Variants in WTIP observed in about 807,000 individuals in gnomAD.
The protein encoded by WTIP is WT1 interacting protein.
In WTIP, 23 loss-of-function variants were observed where a neutral mutation model predicts 41.7. The observed-to-expected ratio is 0.55, with a 90% CI of 0.40 to 0.78. WTIP has a LOEUF of 0.78. Among genes scored for constraint, WTIP ranks in the 30% least tolerant of loss-of-function variants. The pLI is 0.00. For synonymous variants in WTIP, 314 were observed against 269.9 expected (o/e 1.16, Z -1.60); for missense variants, 619 against 610.5 (o/e 1.01, Z -0.15).
rs1355601663 is a variant in WTIP, at chr19:34,493,368, T to C, written c.900+43T>C. 1.2e-6 allele frequency: 2 copies of C among 1,601,076 alleles called. No homozygotes were observed. The highest frequency in any genetic ancestry group is 1.7e-6 in the Non-Finnish European group (2 of 1,174,216). ...CCTCCTGGAGCCCCTCTGACGTGGG[T>C]GGAGTCTGAGGACTCTACCGTCTCC... On this transcript the variant is annotated intron_variant, in intron 4 of 7. Transcript: ENST00000590071. The surrounding 1 kb of genome is among the most constrained non-coding windows in gnomAD (Gnocchi z 4.1).
At chr19:34,494,773 G>A (rs968004990) in intron 6 of WTIP, 136 bp downstream of exon 6, 1 of 879,950 alleles carries the variant, frequency 1.1e-6, no homozygotes, top group Non-Finnish European at 1.7e-6. Flanking sequence ...TTTCAGGGCT[G>A]AGGGATGTGT....
chr19:34,495,764 A>G lies in WTIP; in HGVS notation c.1145A>G (p.His382Arg). ...AGAGACTACCACGTGGCATGTTACC[A>G]CTGTGAGGTGAGCCTGGGCCCACAG... ...MDRDYHVACY[H>R]CEDCGLQLSG... is the part of the protein sequence containing the mutation. The change falls in exon 7 of 8, where the codon CAC becomes CGC. Residue 382 changes from histidine (H) to arginine (R), a missense_variant. Physicochemically the swap from His to Arg is conservative, Grantham distance 29. Coordinates refer to ENST00000590071, the MANE Select transcript of WTIP (RefSeq NM_001080436.2). 3 of 1,613,648 alleles carry G rather than the reference A, an allele frequency of 1.9e-6. No homozygotes were observed. The highest frequency in any genetic ancestry group is 1.1e-5 in the South Asian group (1 of 91,060).
chr19:34,487,569 G>C (rs1008797411), intron 1 of WTIP, among the ~76,000 whole-genome samples: 3 of 152,174 alleles, frequency 2.0e-5, no homozygotes, highest in African/African-American at 7.2e-5. Context: ...GAAGAGGTGG[G>C]CCACCCGATA....
At position 34,494,333 on chromosome 19, in the gene WTIP, C is replaced by T. The variant is rs542219893; in HGVS notation, c.1032-253C>T. Among the ~76,000 whole-genome samples, 38 of 151,286 alleles carry T rather than the reference C, an allele frequency of 2.5e-4. No homozygotes were observed. The East Asian group carries it at 3.7e-3, about 15-fold the overall frequency. ...CTTTGGGAGGTCGAGGTGGGTGGATCGCTTGAACCCAGGAATTTGAGACCA... is the reference window on the plus strand; with the variant it reads ...CTTTGGGAGGTCGAGGTGGGTGGATTGCTTGAACCCAGGAATTTGAGACCA... On this transcript the variant is annotated intron_variant, in intron 5 of 7. Coordinates refer to ENST00000590071, the MANE Select transcript of WTIP (RefSeq NM_001080436.2).
At chr19:34,494,756 G>A (rs137993398) in intron 6 of WTIP, 119 bp downstream of exon 6, 10 of 1,021,788 alleles carry the variant, frequency 9.8e-6, no homozygotes, top group South Asian at 3.1e-5. Context: ...GTGCTTCTCC[G>A]CAGATCTTTC....
chr19:34,487,087 C>A (rs776936038), intron 1 of WTIP, among the ~76,000 whole-genome samples: 1 of 150,238 alleles, frequency 6.7e-6, no homozygotes, highest in Non-Finnish European at 1.5e-5. Context: ...AGCCACCAAG[C>A]CCAGTCCCTG....
intron 6 of WTIP, 54 bp downstream of exon 6, chr19:34,494,691 C>T: frequency 1.3e-6 from 2 of 1,579,188 alleles, no homozygotes; most frequent in South Asian, 1.1e-5. Flanking sequence ...CGGCTGCTGT[C>T]CTGTCTAGCC....
Position 34,490,362 on chromosome 19 carries a change from C to T in WTIP, c.668-14C>T. 1 of 1,613,370 alleles carries T rather than the reference C, an allele frequency of 6.2e-7. No homozygotes were observed. The highest frequency in any genetic ancestry group is 8.5e-7 in the Non-Finnish European group (1 of 1,179,328). On this transcript the variant is annotated splice_polypyrimidine_tract_variant and intron_variant, in intron 1 of 7. Transcript: ENST00000590071. The stretch of plus-strand genomic sequence containing the variant: ...GGCGCTAACCCCTGCTCTCTCCTGC[C>T]TCTCCTCTCCTAGGCATTTGCATCA...
At position 34,482,404 on chromosome 19, in the gene WTIP, G is replaced by T; in HGVS notation, c.430G>T (p.Val144Phe). The change falls in exon 1 of 8, where the codon GTT (valine) becomes TTT (phenylalanine). Residue 144 changes from valine to phenylalanine, a missense_variant. By Grantham distance (50) the Val-to-Phe change is conservative. Around this residue, in one of 3 missense-constraint regions of WTIP, gnomAD observed 363 missense variants for 309.0 expected, o/e 1.17. Coordinates refer to ENST00000590071, the MANE Select transcript of WTIP (RefSeq NM_001080436.2). ...PPSVGSARSSVSSLGSRGSAG... is the reference protein window; with the variant it reads ...PPSVGSARSSFSSLGSRGSAG... The stretch of plus-strand genomic sequence containing the variant: ...TTCGGTGGGCAGCGCCCGCTCCAGC[G>T]TTTCCAGCCTCGGCTCCCGGGGCTC... The T allele has an allele frequency of 7.3e-7, 1 of 1,362,756 alleles. No individual in the cohort carries two copies. The highest frequency in any genetic ancestry group is 9.5e-7 in the Non-Finnish European group (1 of 1,055,000). 84.4% of individuals were successfully genotyped at this position (1,362,756 alleles called of 1,614,324 possible). A position where few individuals can be genotyped will look rare whatever the true frequency, so the allele number is the denominator to read the frequency against.
Position 34,493,034 on chromosome 19 carries a change from C to G in WTIP, c.770-3C>G. 6.2e-7 allele frequency: 1 copy of G among 1,613,878 alleles called. No individual in the cohort carries two copies. The highest frequency in any genetic ancestry group is 8.5e-7 in the Non-Finnish European group (1 of 1,179,852). ...GGACCCCTCTCAACCCTCACCCTTG[C>G]AGGGAGACGACTCCGTGGGAAGGCG... On this transcript the variant is annotated splice_polypyrimidine_tract_variant and splice_region_variant and intron_variant, in intron 2 of 7. Transcript: ENST00000590071. The surrounding 1 kb of genome is among the most constrained non-coding windows in gnomAD (Gnocchi z 4.1).
Position 34,500,340 on chromosome 19 carries a change from G to C in WTIP, c.*71G>C. 6.8e-7 allele frequency: 1 copy of C among 1,460,508 alleles called. No homozygotes were observed. 90.5% of individuals were successfully genotyped at this position (1,460,508 alleles called of 1,614,324 possible). Reference sequence around the variant, plus strand: ...GGGAGGGCCCGCGTGGGTGGCCCTGGTCAGCGTCAGGGGAGCTCCCTCCAA... The same window carrying C: ...GGGAGGGCCCGCGTGGGTGGCCCTGCTCAGCGTCAGGGGAGCTCCCTCCAA... On this transcript the variant is annotated 3_prime_UTR_variant, in exon 8 of 8. Coordinates refer to ENST00000590071, the MANE Select transcript of WTIP (RefSeq NM_001080436.2).
intron 7 of WTIP, among the ~76,000 whole-genome samples, chr19:34,497,730 A>G (rs2075862398): frequency 6.6e-6 from 1 of 152,180 alleles, no homozygotes; most frequent in Admixed American, 6.5e-5. Flanking sequence ...TCCTGGGTGC[A>G]GGCGAGTGGC....
intron 2 of WTIP, 106 bp downstream of exon 2, chr19:34,490,583 G>C (rs1434349092): frequency 8.2e-7 from 1 of 1,214,676 alleles, no homozygotes; most frequent in Non-Finnish European, 1.2e-6. Context: ...GGACCACCTG[G>C]CTCTGGCCCA....
In WTIP at chr19:34,482,404, G is replaced by C. The variant is rs779848023; in HGVS notation, c.430G>C (p.Val144Leu). ...PPSVGSARSS[V>L]SSLGSRGSAG... ...TTCGGTGGGCAGCGCCCGCTCCAGCGTTTCCAGCCTCGGCTCCCGGGGCTC... is the reference window on the plus strand; with the variant it reads ...TTCGGTGGGCAGCGCCCGCTCCAGCCTTTCCAGCCTCGGCTCCCGGGGCTC... The change falls in exon 1 of 8, where the codon GTT becomes CTT. Residue 144 changes from valine (V) to leucine (L), a missense_variant. Val to Leu is a conservative substitution (Grantham distance 32). Transcript: ENST00000590071. The C allele has an allele frequency of 7.3e-7, 1 of 1,362,756 alleles. No individual in the cohort carries two copies. Among genetic ancestry groups the C allele is most frequent in the South Asian group, 1.5e-5 (1 of 65,560 alleles). The allele number at this position is 1,362,756 out of a possible 1,614,324, so 84.4% of individuals were successfully genotyped here.
Position 34,505,573 on chromosome 19 carries a change from G to A in WTIP, c.*5304G>A, listed in dbSNP as rs904671273. 1.3e-5 allele frequency: 2 copies of A among 152,560 alleles called. No individual in the cohort carries two copies. The highest frequency in any genetic ancestry group is 2.9e-5 in the Non-Finnish European group (2 of 68,380). 9.5% of individuals were successfully genotyped at this position (152,560 alleles called of 1,614,324 possible). ...CCTCCCCCCACCTGCCACGCCCATT[G>A]TCCTACACCCAGCGCACACTCCTCT... On this transcript the variant is annotated 3_prime_UTR_variant, in exon 8 of 8. Transcript: ENST00000590071.
chr19:34,491,850 TAGTC>T (rs1254853105), intron 2 of WTIP, among the ~76,000 whole-genome samples: 2 of 151,796 alleles, frequency 1.3e-5, no homozygotes, highest in African/African-American at 4.8e-5. Context: ...TTCATAGTGT[TAGTC>T]AGGATGGTCT....
intron 1 of WTIP, 26 bp downstream of exon 1, chr19:34,482,667 C>T (rs1189314745): frequency 3.3e-6 from 4 of 1,225,588 alleles, no homozygotes; most frequent in Non-Finnish European, 3.0e-6. Flanking sequence ...CCGGCAGTTC[C>T]CTGCGCGCAT....
chr19:34,509,296 C>G lies in WTIP; in HGVS notation c.*9027C>G, dbSNP rs552145101. The G allele has an allele frequency of 1.1e-4, 15 of 140,588 alleles. No homozygotes were observed. Among genetic ancestry groups the G allele is most frequent in the African/African-American group, 4.4e-4 (15 of 33,728 alleles). The allele number at this position is 140,588 out of a possible 1,614,324, so 8.7% of individuals were successfully genotyped here. ...TTCCACATGGCTGGGGAGGCCTCAG[C>G]CTCCCACATGGCTGGGGAGGCCTCC... On this transcript the variant is annotated 3_prime_UTR_variant, in exon 8 of 8. Coordinates refer to ENST00000590071, the MANE Select transcript of WTIP (RefSeq NM_001080436.2).
intron 2 of WTIP, among the ~76,000 whole-genome samples, chr19:34,492,688 CAAAA>C (rs35065558): frequency 2.4e-4 from 27 of 111,598 alleles, no homozygotes; most frequent in Admixed American, 3.6e-4. Flanking sequence ...TACTCTGTAT[CAAAA>C]AAAAAAAAAA....
Sources: allele counts gnomAD v4.1 joint callset (sites outside exome capture counted in the v4.1 genomes callset), GRCh38; gene constraint gnomAD v4.1.1; regional missense constraint gnomAD v4.1.1; non-coding constraint Gnocchi (gnomAD v3.1); transcripts MANE v1.5; gene names NCBI Gene and HGNC (gene_info 2026-07-23, HGNC 2026-07-21).